RFTN1: variants seen among roughly 807,000 people sequenced by gnomAD.
The protein encoded by RFTN1 is raftlin, lipid raft linker 1, also known as raftlin.
RFTN1 carries 26 observed loss-of-function variants against 46.5 expected under a neutral mutation model. The observed-to-expected ratio is 0.56, with a 90% CI of 0.41 to 0.78. The LOEUF is 0.78. Among genes scored for constraint, RFTN1 ranks in the 30% least tolerant of loss-of-function variants. The pLI is 0.00. For synonymous variants in RFTN1, 261 were observed against 284.2 expected, an observed-to-expected ratio of 0.92 and a Z score of 0.82; for missense variants, 693 against 718.7, an observed-to-expected ratio of 0.96 and a Z score of 0.41.
chr3:16,470,370 C>T lies in RFTN1; in HGVS notation c.145+23355G>A, dbSNP rs546215165. On this transcript the variant is annotated intron_variant, in intron 2 of 9. Transcript: ENST00000334133. ...CTTGCAAGAAAAGTACTGCACTGGG[C>T]GAGGTTTTGTCTCTGATGGCTTTTA... Among the ~76,000 whole-genome samples, 9 of 152,266 alleles carry T rather than the reference C, an allele frequency of 5.9e-5. No homozygotes were observed. The South Asian group carries it at 6.2e-4, about 11-fold the overall frequency.
intron 4 of RFTN1, among the ~76,000 whole-genome samples, chr3:16,403,804 A>T (rs1357377030): frequency 0.012 from 97 of 7,836 alleles, 31 homozygotes; most frequent in East Asian, 0.02. Context: ...TATAATATAT[A>T]TTATATATTT....
intron 2 of RFTN1, among the ~76,000 whole-genome samples, chr3:16,476,478 A>G (rs1246003723): frequency 2.0e-5 from 3 of 152,216 alleles, no homozygotes; most frequent in Non-Finnish European, 4.4e-5. Flanking sequence ...TTCCACAAAG[A>G]AAATAAGATA....
At chr3:16,318,162 C>T (rs764047204) in intron 9 of RFTN1, among the ~76,000 whole-genome samples, 1 of 152,026 alleles carries the variant, frequency 6.6e-6, no homozygotes, top group Non-Finnish European at 1.5e-5. Context: ...CAAGACCACC[C>T]GAGAGCGAGC....
chr3:16,497,217 C>G (rs1302261582), intron 1 of RFTN1, among the ~76,000 whole-genome samples: 1 of 152,114 alleles, frequency 6.6e-6, no homozygotes, highest in Non-Finnish European at 1.5e-5. Flanking sequence ...TACACTAAAA[C>G]GTTCAAAAAT....
At chr3:16,501,123 C>A (rs989318384) in intron 1 of RFTN1, among the ~76,000 whole-genome samples, 2 of 152,104 alleles carry the variant, frequency 1.3e-5, no homozygotes, top group Non-Finnish European at 2.9e-5. Flanking sequence ...AGTGACAGAG[C>A]AAGACTTGTC....
chr3:16,370,049 C>G lies in RFTN1; in HGVS notation c.1030+27G>C, dbSNP rs750736795. Reference sequence around the variant, plus strand: ...TAGAAGCAGAGTTCACAAAGGGCCACCCAAGGACTGTGAATTCCAAACATA... The same window carrying G: ...TAGAAGCAGAGTTCACAAAGGGCCAGCCAAGGACTGTGAATTCCAAACATA... On this transcript the variant is annotated intron_variant, in intron 6 of 9. Coordinates refer to ENST00000334133, the MANE Select transcript of RFTN1 (RefSeq NM_015150.2). The surrounding 1 kb of genome is among the most constrained non-coding windows in gnomAD (Gnocchi z 5.5). The G allele has an allele frequency of 1.9e-6, 3 of 1,609,024 alleles. No individual in the cohort carries two copies. The highest frequency in any genetic ancestry group is 2.6e-6 in the Non-Finnish European group (3 of 1,175,376).
Position 16,376,970 on chromosome 3 carries a change from T to C in RFTN1, c.826+748A>G, listed in dbSNP as rs2073798634. 6.6e-6 allele frequency among the ~76,000 whole-genome samples: 1 copy of C among 151,768 alleles called. No individual in the cohort carries two copies. The highest frequency in any genetic ancestry group is 2.4e-5 in the African/African-American group (1 of 41,330). Reference sequence around the variant, plus strand: ...AGAAAGCCCTCCTAAGCCCTGGGGGTCTTCTGTTAGTTTTCATACTTGTTC... The same window carrying C: ...AGAAAGCCCTCCTAAGCCCTGGGGGCCTTCTGTTAGTTTTCATACTTGTTC... On this transcript the variant is annotated intron_variant, in intron 5 of 9. Coordinates refer to ENST00000334133, the MANE Select transcript of RFTN1 (RefSeq NM_015150.2). The surrounding 1 kb of genome is among the most constrained non-coding windows in gnomAD (Gnocchi z 4.7).
rs1379237965 is a variant in RFTN1, at chr3:16,507,319, TA to T, written c.-9+6122del. On this transcript the variant is annotated intron_variant, in intron 1 of 9. Coordinates refer to ENST00000334133, the MANE Select transcript of RFTN1 (RefSeq NM_015150.2). The surrounding 1 kb of genome is among the most constrained non-coding windows in gnomAD (Gnocchi z 7.1). Reference sequence around the variant, plus strand: ...CACACTGAAAAGGGCACTTATAAGGTATCATAAGACACCAGAAAATCCCAAA... The same window carrying T: ...CACACTGAAAAGGGCACTTATAAGGTTCATAAGACACCAGAAAATCCCAAA... Among the ~76,000 whole-genome samples the T allele has an allele frequency of 5.9e-5, 9 of 152,316 alleles. No individual in the cohort carries two copies. The highest frequency in any genetic ancestry group is 1.7e-4 in the African/African-American group (7 of 41,564).
In RFTN1 at chr3:16,400,535, G is replaced by T. The variant is rs2074574545; in HGVS notation, c.441+8840C>A. On this transcript the variant is annotated intron_variant, in intron 4 of 9. Coordinates refer to ENST00000334133, the MANE Select transcript of RFTN1 (RefSeq NM_015150.2). This position sits in a 1 kb window ranked among gnomAD's most constrained non-coding sequence, Gnocchi z 4.5. The stretch of plus-strand genomic sequence containing the variant: ...GCATTACCTAGACCGGCTTACTAAA[G>T]TATTCCCAAACACTACCAGCAAAGA... Among the ~76,000 whole-genome samples, 1 of 152,210 alleles carries T rather than the reference G, an allele frequency of 6.6e-6. No homozygotes were observed. The highest frequency in any genetic ancestry group is 2.1e-4 in the South Asian group (1 of 4,834).
At chr3:16,444,324 A>G (rs988702984) in intron 2 of RFTN1, among the ~76,000 whole-genome samples, 1 of 152,276 alleles carries the variant, frequency 6.6e-6, no homozygotes, top group African/African-American at 2.4e-5. Flanking sequence ...TACTGGATTT[A>G]CAATGTAAAA....
rs77289903 is a variant in RFTN1 at position 16,388,219 on chromosome 3, C to T, written c.442-10117G>A. Among the ~76,000 whole-genome samples the T allele has an allele frequency of 3.3e-4, 50 of 152,332 alleles. No individual in the cohort carries two copies. The East Asian group carries it at 9.1e-3, about 28-fold the overall frequency. ...ATCCCTCTGTTTGGCATGCTGTTCC[C>T]CCCTCCATCTCCCTACAACTGGTTT... On this transcript the variant is annotated intron_variant, in intron 4 of 9. Transcript: ENST00000334133.
At position 16,507,077 on chromosome 3, in the gene RFTN1, G is replaced by A. The variant is rs575267750; in HGVS notation, c.-9+6365C>T. Among the ~76,000 whole-genome samples the A allele has an allele frequency of 6.6e-6, 1 of 152,256 alleles. No homozygotes were observed. The highest frequency in any genetic ancestry group is 1.9e-4 in the East Asian group (1 of 5,170). On this transcript the variant is annotated intron_variant, in intron 1 of 9. Transcript: ENST00000334133. This position sits in a 1 kb window ranked among gnomAD's most constrained non-coding sequence, Gnocchi z 7.1. The stretch of plus-strand genomic sequence containing the variant: ...ACCTCAAGGAAGCCATTTAACCTCA[G>A]TTTTCTCATCTGTAAAATGGGGACA...
chr3:16,404,350 T>TATATAC (rs2074790710), intron 4 of RFTN1, among the ~76,000 whole-genome samples: 1 of 39,014 alleles, frequency 2.6e-5, no homozygotes, highest in African/African-American at 8.8e-5. Flanking sequence ...ATATAATATA[T>TATATAC]AATATATATA....
chr3:16,368,075 T>G (rs1308093456), intron 6 of RFTN1, among the ~76,000 whole-genome samples: 2 of 149,444 alleles, frequency 1.3e-5, no homozygotes, highest in African/African-American at 4.9e-5. Context: ...CGAGAGGGGA[T>G]GAAAGGAGCC....
At chr3:16,511,379 C>T (rs1181561249) in intron 1 of RFTN1, among the ~76,000 whole-genome samples, 1 of 152,202 alleles carries the variant, frequency 6.6e-6, no homozygotes, top group Non-Finnish European at 1.5e-5. Context: ...CTGTAATTTA[C>T]TTTAAAGTGC....
chr3:16,415,430 T>TACACACACACACACACACACAC (rs1553589390), intron 3 of RFTN1, among the ~76,000 whole-genome samples: 11 of 114,240 alleles, frequency 9.6e-5, no homozygotes, highest in South Asian at 2.9e-4. Context: ...TATATATATA[T>TACACACACACACACACACACAC]ACACACACAC....
intron 6 of RFTN1, among the ~76,000 whole-genome samples, chr3:16,368,356 C>G (rs1287951564): frequency 6.6e-6 from 1 of 152,142 alleles, no homozygotes; most frequent in East Asian, 1.9e-4. Context: ...ACAGAAGTAA[C>G]CCTACATTAG....
intron 4 of RFTN1, among the ~76,000 whole-genome samples, chr3:16,391,568 G>A (rs542856568): frequency 6.6e-6 from 1 of 152,224 alleles, no homozygotes; most frequent in Admixed American, 6.5e-5. Flanking sequence ...CTTATATTGA[G>A]CTCCAATTAC....
At position 16,370,422 on chromosome 3, in the gene RFTN1, C is replaced by A. The variant is rs1207273262; in HGVS notation, c.827-143G>T. 7.4e-6 allele frequency: 6 copies of A among 814,804 alleles called. No homozygotes were observed. Among genetic ancestry groups the A allele is most frequent in the Non-Finnish European group, 1.2e-5 (6 of 498,812 alleles). 50.5% of individuals were successfully genotyped at this position (814,804 alleles called of 1,614,324 possible). On this transcript the variant is annotated intron_variant, in intron 5 of 9. Transcript: ENST00000334133. The surrounding 1 kb of genome is among the most constrained non-coding windows in gnomAD (Gnocchi z 5.5). Reference sequence around the variant, plus strand: ...AATCTCTGTGAGGCTGTATTGTTGCCAGATAATAAAGCCTCATTCCAAGTA... The same window carrying A: ...AATCTCTGTGAGGCTGTATTGTTGCAAGATAATAAAGCCTCATTCCAAGTA...
Sources: gnomAD v4.1 joint callset for allele counts (sites outside exome capture counted in the v4.1 genomes callset) on GRCh38, gnomAD v4.1.1 for gene constraint, Gnocchi (gnomAD v3.1) non-coding constraint, MANE v1.5 for transcripts, NCBI Gene and HGNC (gene_info 2026-07-23, HGNC 2026-07-21) for gene names.